The following IGF1R variants were observed in gnomAD, a reference collection of about 807,000 sequenced individuals.
IGF1R encodes insulin like growth factor 1 receptor.
Under a neutral mutation model 144.6 loss-of-function variants are expected in IGF1R, and 44 were observed. The ratio of observed to expected loss-of-function variants is 0.30; its 90% CI spans 0.24 to 0.39. The LOEUF (loss-of-function observed/expected upper bound fraction) is 0.39. Ranked by LOEUF, IGF1R falls within the 10% of genes least tolerant of loss-of-function variation. The pLI is 1.00. For missense variants in IGF1R, 1,355 were observed against 1,833.7 expected (o/e 0.74, Z 4.77); for synonymous variants, 795 against 722.8 (o/e 1.10, Z -1.60).
chr15:98,751,688 G>C (rs1306602381), intron 2 of IGF1R, among the ~76,000 whole-genome samples: 1 of 152,116 alleles, frequency 6.6e-6, no homozygotes, highest in Admixed American at 6.5e-5. Context: ...TCTGTGGAAA[G>C]GTATCAGTTT....
At chr15:98,919,498 C>T (rs1475014617) in intron 10 of IGF1R, among the ~76,000 whole-genome samples, 1 of 152,144 alleles carries the variant, frequency 6.6e-6, no homozygotes, top group Non-Finnish European at 1.5e-5. Context: ...GTTTTTTTCT[C>T]ATCAGATGTG....
intron 2 of IGF1R, among the ~76,000 whole-genome samples, chr15:98,859,862 TGCAGCCAAA>T (rs895441295): frequency 1.3e-5 from 2 of 152,256 alleles, no homozygotes; most frequent in Non-Finnish European, 2.9e-5. Flanking sequence ...TATATTTTTG[TGCAGCCAAA>T]GCAGCATGCC....
In IGF1R at chr15:98,809,120, A is replaced by G. The variant is rs186771547; in HGVS notation, c.641-82205A>G. Among the ~76,000 whole-genome samples, 627 of 152,308 alleles carry G rather than the reference A, an allele frequency of 4.1e-3. 6 individuals are homozygous for G. Among genetic ancestry groups the G allele is most frequent in the African/African-American group, 0.014 (586 of 41,570 alleles). Reference sequence around the variant, plus strand: ...AGAAAAGAAAACCCTGACGAGGTCTATATATTCCAGGACTCTGTCTGAGGC... The same window carrying G: ...AGAAAAGAAAACCCTGACGAGGTCTGTATATTCCAGGACTCTGTCTGAGGC... On this transcript the variant is annotated intron_variant, in intron 2 of 20. Coordinates refer to ENST00000650285, the MANE Select transcript of IGF1R (RefSeq NM_000875.5).
At chr15:98,802,587 G>A (rs1470215558) in intron 2 of IGF1R, among the ~76,000 whole-genome samples, 1 of 152,202 alleles carries the variant, frequency 6.6e-6, no homozygotes, top group Admixed American at 6.5e-5. Flanking sequence ...GCGAAAGACA[G>A]GGGTTGCTTG....
At position 98,835,088 on chromosome 15, in the gene IGF1R, CA is replaced by C. The variant is rs572480773; in HGVS notation, c.641-56236del. Among the ~76,000 whole-genome samples the C allele has an allele frequency of 1.1e-3, 160 of 150,186 alleles. 1 individual carries two copies. The highest frequency in any genetic ancestry group is 3.8e-3 in the African/African-American group (153 of 40,758). Reference sequence around the variant, plus strand: ...CAAGAGAACACCCCCCCTACACACACACACACACACACACACACACACCCCT... The same window carrying C: ...CAAGAGAACACCCCCCCTACACACACCACACACACACACACACACACCCCT... On this transcript the variant is annotated intron_variant, in intron 2 of 20. Transcript: ENST00000650285.
At position 98,713,851 on chromosome 15, in the gene IGF1R, G is replaced by A. The variant is rs887653011; in HGVS notation, c.640+5744G>A. Among the ~76,000 whole-genome samples the A allele has an allele frequency of 3.3e-5, 5 of 152,202 alleles. No individual in the cohort carries two copies. In the South Asian group the frequency reaches 1.0e-3, roughly 31 times the overall value. ...ACTTTTTAACCCATTGGGATGAACAGCCTGTGGTCTGCTCAGATCACCCTG... is the reference window on the plus strand; with the variant it reads ...ACTTTTTAACCCATTGGGATGAACAACCTGTGGTCTGCTCAGATCACCCTG... On this transcript the variant is annotated intron_variant, in intron 2 of 20. Transcript: ENST00000650285.
At chr15:98,781,336 A>G (rs1037249968) in intron 2 of IGF1R, among the ~76,000 whole-genome samples, 3 of 152,180 alleles carry the variant, frequency 2.0e-5, no homozygotes, top group Admixed American at 2.0e-4. Flanking sequence ...CAAAAAAGAA[A>G]TGGGTTTTAG....
chr15:98,723,141 C>T (rs776194463), intron 2 of IGF1R, among the ~76,000 whole-genome samples: 1 of 151,850 alleles, frequency 6.6e-6, no homozygotes, highest in Non-Finnish European at 1.5e-5. Context: ...GAATGAGTTT[C>T]GTACATGTTT....
intron 2 of IGF1R, among the ~76,000 whole-genome samples, chr15:98,817,194 C>A (rs527680250): frequency 6.6e-6 from 1 of 151,848 alleles, no homozygotes; most frequent in Non-Finnish European, 1.5e-5. Context: ...CCCAGCTACT[C>A]GGGAGTCTGA....
chr15:98,770,111 G>A (rs1448766998), intron 2 of IGF1R, among the ~76,000 whole-genome samples: 3 of 152,122 alleles, frequency 2.0e-5, no homozygotes, highest in Admixed American at 6.5e-5. Flanking sequence ...CTCTGACGGG[G>A]ATCTAAATTG....
At chr15:98,886,633 G>A (rs576421656) in intron 2 of IGF1R, among the ~76,000 whole-genome samples, 1 of 152,218 alleles carries the variant, frequency 6.6e-6, no homozygotes, top group Non-Finnish European at 1.5e-5. Flanking sequence ...CCATAGCGCC[G>A]TAATTGGAAA....
rs1239894526 is a variant in IGF1R, at chr15:98,911,368, A to G, written c.1516A>G (p.Ile506Val). ...TSTTTSKNRI[I>V]ITWHRYRPPD... ...CACCACCACGTCGAAGAATCGCATC[A>G]TCATAACCTGGCACCGGTACCGGCC... is the stretch of plus-strand genomic sequence containing the variant. The change falls in exon 7 of 21, where the codon ATC (isoleucine) becomes GTC (valine). Residue 506 changes from isoleucine (I) to valine (V), a missense_variant. Physicochemically the swap from Ile to Val is conservative, Grantham distance 29 (BLOSUM62 3). Transcript: ENST00000650285. 2 of 1,614,200 alleles carry G rather than the reference A, an allele frequency of 1.2e-6. No individual in the cohort carries two copies. The highest frequency in any genetic ancestry group is 8.5e-7 in the Non-Finnish European group (1 of 1,180,020).
chr15:98,663,058 G>A (rs943799720), intron 1 of IGF1R, among the ~76,000 whole-genome samples: 2 of 152,152 alleles, frequency 1.3e-5, no homozygotes, highest in Admixed American at 1.3e-4. Context: ...TATAGATGAG[G>A]GAGGCAGTGA....
intron 2 of IGF1R, among the ~76,000 whole-genome samples, chr15:98,782,261 GA>G (rs1174193806): frequency 6.6e-6 from 1 of 152,104 alleles, no homozygotes; most frequent in African/African-American, 2.4e-5. Context: ...ATTTTGGGAT[GA>G]AAGGAAGCAG....
intron 7 of IGF1R, among the ~76,000 whole-genome samples, chr15:98,911,874 GTCTC>G (rs942161239): frequency 6.6e-6 from 1 of 152,054 alleles, no homozygotes; most frequent in East Asian, 1.9e-4. Flanking sequence ...TCTTATTCCT[GTCTC>G]TCTCTCTGTG....
chr15:98,941,277 CAG>C (rs1448339869), intron 18 of IGF1R, among the ~76,000 whole-genome samples: 10 of 152,236 alleles, frequency 6.6e-5, no homozygotes, highest in African/African-American at 2.4e-4. Flanking sequence ...CTCCAGATGG[CAG>C]TTCCTGTCTG....
Position 98,649,520 on chromosome 15 carries a change from C to G in IGF1R, c.-62C>G, listed in dbSNP as rs879172915. The G allele has an allele frequency of 2.1e-5, 18 of 857,884 alleles. No homozygotes were observed. Among genetic ancestry groups the G allele is most frequent in the South Asian group, 5.5e-5 (3 of 54,514 alleles). The allele number at this position is 857,884 out of a possible 1,614,324, so 53.1% of individuals were successfully genotyped here. A position where few individuals can be genotyped will look rare whatever the true frequency, so the allele number is the denominator to read the frequency against. On this transcript the variant is annotated 5_prime_UTR_variant, in exon 1 of 21. Coordinates refer to ENST00000650285, the MANE Select transcript of IGF1R (RefSeq NM_000875.5). ...TCCTTTCATTTCCTTTTTTTCTTTT[C>G]TTTTCTTTTTTTTTTTTTTTTTTTT... is the stretch of plus-strand genomic sequence containing the variant.
At chr15:98,750,350 C>T (rs544721502) in intron 2 of IGF1R, among the ~76,000 whole-genome samples, 1 of 152,154 alleles carries the variant, frequency 6.6e-6, no homozygotes, top group Non-Finnish European at 1.5e-5. Context: ...GATCAAGGGC[C>T]CTTGGCCTAG....
chr15:98,906,606 G>C (rs2014743991), intron 5 of IGF1R, among the ~76,000 whole-genome samples: 1 of 152,248 alleles, frequency 6.6e-6, no homozygotes, highest in Non-Finnish European at 1.5e-5. Context: ...CCCAGCAACA[G>C]TAGCGCCAGC....
Sources: allele counts gnomAD v4.1 joint callset (sites outside exome capture counted in the v4.1 genomes callset), GRCh38; gene constraint gnomAD v4.1.1; transcripts MANE v1.5; gene names NCBI Gene and HGNC (gene_info 2026-07-23, HGNC 2026-07-21).